ANO1: variants seen among roughly 807,000 people sequenced by gnomAD.
The protein encoded by ANO1 is anoctamin 1.
Under a neutral mutation model 124.0 loss-of-function variants are expected in ANO1, and 59 were observed. That is an observed-to-expected ratio of 0.48 (90% CI 0.39 to 0.59). The LOEUF is 0.59. ANO1 is among the 20% of genes least tolerant of loss of function. ANO1 has a pLI of 0.00. For synonymous variants in ANO1, 529 were observed against 532.0 expected (o/e 0.99, Z 0.08); for missense variants, 1,059 against 1,328.0 (o/e 0.80, Z 3.15).
intron 21 of ANO1, among the ~76,000 whole-genome samples, chr11:70,169,579 C>T (rs1393461355): frequency 2.0e-5 from 3 of 152,230 alleles, no homozygotes; most frequent in Non-Finnish European, 4.4e-5. Flanking sequence ...GACCCACAGC[C>T]TCAGGCCTCA....
intron 1 of ANO1, among the ~76,000 whole-genome samples, chr11:70,035,399 A>C (rs1857077523): frequency 6.6e-6 from 1 of 152,196 alleles, no homozygotes; most frequent in Non-Finnish European, 1.5e-5. Context: ...TTCTTTAAGC[A>C]AAACCAAAAT....
chr11:70,065,863 C>G lies in ANO1; in HGVS notation c.59-12679C>G, dbSNP rs1857703876. Among the ~76,000 whole-genome samples the G allele has an allele frequency of 2.6e-5, 4 of 152,328 alleles. No individual in the cohort carries two copies. The South Asian group carries it at 6.2e-4, about 24-fold the overall frequency. On this transcript the variant is annotated intron_variant, in intron 1 of 27. Coordinates refer to the ANO1 transcript ENST00000531349. ...AGATCTCTGCTCAGATGTCACTTCC[C>G]CGGAAGGGCCTTCCACGGCCACCCA...
intron 22 of ANO1, among the ~76,000 whole-genome samples, chr11:70,176,491 T>C (rs948087935): frequency 6.6e-6 from 1 of 152,108 alleles, no homozygotes; most frequent in Non-Finnish European, 1.5e-5. Flanking sequence ...TTATTATCAA[T>C]AGAAAGGAAA....
intron 11 of ANO1, among the ~76,000 whole-genome samples, chr11:70,132,354 G>T (rs1023622114): frequency 2.6e-5 from 4 of 152,138 alleles, no homozygotes; most frequent in African/African-American, 4.8e-5. Context: ...TGACACCAGG[G>T]TATGCTGGCC....
chr11:69,977,102 G>T, the ANO1 span, among the ~76,000 whole-genome samples: 1 of 152,226 alleles, frequency 6.6e-6, no homozygotes, highest in Non-Finnish European at 1.5e-5. Context: ...CAGGGAGGCG[G>T]CCAACCAGCT....
intron 8 of ANO1, among the ~76,000 whole-genome samples, chr11:70,123,084 G>T (rs2046360257): frequency 6.6e-6 from 1 of 152,176 alleles, no homozygotes; most frequent in African/African-American, 2.4e-5. Flanking sequence ...CCTGGGAGGA[G>T]AGATCGCATC....
intron 1 of ANO1, chr11:70,064,974 A>G (rs1555008310): frequency 6.6e-6 from 1 of 152,372 alleles, no homozygotes; most frequent in African/African-American, 2.4e-5. Context: ...CCAGTCCTCA[A>G]TTGGTTTCCA....
At chr11:69,968,829 C>T in the ANO1 span, among the ~76,000 whole-genome samples, 35 of 152,322 alleles carry the variant, frequency 2.3e-4, no homozygotes, top group African/African-American at 8.2e-4. Context: ...TACTCTTATG[C>T]CAACTACACA....
chr11:70,031,906 G>C (rs1002776845), intron 1 of ANO1, among the ~76,000 whole-genome samples: 1 of 152,184 alleles, frequency 6.6e-6, no homozygotes, highest in East Asian at 1.9e-4. Flanking sequence ...GAACTCCCGG[G>C]GCCCAGGGAA....
chr11:70,022,030 C>T (rs1292008466), intron 1 of ANO1, among the ~76,000 whole-genome samples: 3 of 152,176 alleles, frequency 2.0e-5, no homozygotes, highest in African/African-American at 4.8e-5. Flanking sequence ...CTGCTTCTCC[C>T]TGGGGTTGGG....
chr11:70,156,863 G>T, intron 15 of ANO1, 84 bp from the exon 16 acceptor site: 1 of 1,237,470 alleles, frequency 8.1e-7, no homozygotes, highest in Non-Finnish European at 1.2e-6. Flanking sequence ...GCCCATGCAC[G>T]CACGCACATG....
intron 4 of ANO1, among the ~76,000 whole-genome samples, chr11:70,105,150 T>C (rs1472778744): frequency 6.6e-6 from 1 of 151,978 alleles, no homozygotes; most frequent in Non-Finnish European, 1.5e-5. Context: ...TAAGCTCACC[T>C]CCAGGCTCCG....
the ANO1 span, among the ~76,000 whole-genome samples, chr11:69,980,116 G>A: frequency 2.0e-5 from 3 of 152,160 alleles, no homozygotes; most frequent in African/African-American, 4.8e-5. Context: ...TTTGTCACAG[G>A]CTACAACATG....
intron 1 of ANO1, among the ~76,000 whole-genome samples, chr11:70,006,942 T>A (rs1409460383): frequency 6.6e-6 from 1 of 152,118 alleles, no homozygotes; most frequent in Non-Finnish European, 1.5e-5. Flanking sequence ...AGTGCTGGGA[T>A]GACGGGGGTG....
At chr11:70,085,321 C>T (rs2044329523) in intron 1 of ANO1, 22 of 1,384,174 alleles carry the variant, frequency 1.6e-5, no homozygotes, top group Non-Finnish European at 2.1e-5. Flanking sequence ...CCACCCTTCC[C>T]CCTGAGCCCT....
intron 22 of ANO1, among the ~76,000 whole-genome samples, chr11:70,176,890 A>G (rs1403837419): frequency 6.6e-6 from 1 of 152,178 alleles, no homozygotes; most frequent in Non-Finnish European, 1.5e-5. Flanking sequence ...GCCCCACCCC[A>G]GGAGAGGCGG....
rs149663362 is a variant in ANO1 at position 69,997,526 on chromosome 11, C to G, written c.58+11360C>G. Reference sequence around the variant, plus strand: ...CCATGGCTCAGGAAAAGCTCTCCCCCAGCCACTCTCCCCCCGTCCCAACGG... The same window carrying G: ...CCATGGCTCAGGAAAAGCTCTCCCCGAGCCACTCTCCCCCCGTCCCAACGG... On this transcript the variant is annotated intron_variant, in intron 1 of 27. Transcript: ENST00000531349. 5.0e-3 allele frequency among the ~76,000 whole-genome samples: 764 copies of G among 152,278 alleles called. 10 individuals are homozygous for G. Among genetic ancestry groups the G allele is most frequent in the East Asian group, 0.016 (82 of 5,160 alleles).
intron 1 of ANO1, among the ~76,000 whole-genome samples, chr11:70,007,903 G>T (rs1476860868): frequency 6.6e-6 from 1 of 152,088 alleles, no homozygotes; most frequent in Admixed American, 6.5e-5. Context: ...TCATCCAAAC[G>T]TGTTATTTTA....
chr11:69,980,489 T>C, the ANO1 span, among the ~76,000 whole-genome samples: 7 of 151,154 alleles, frequency 4.6e-5, no homozygotes, highest in Admixed American at 4.0e-4. Flanking sequence ...GGCGTGGTGG[T>C]GGGCGCCTGT....
Sources: allele counts gnomAD v4.1 joint callset (sites outside exome capture counted in the v4.1 genomes callset), GRCh38; gene constraint gnomAD v4.1.1; transcripts MANE v1.5; gene names NCBI Gene and HGNC (gene_info 2026-07-23, HGNC 2026-07-21).